Variants in STK32B observed in about 807,000 individuals in gnomAD.
STK32B encodes serine/threonine kinase 32B, also known as serine/threonine-protein kinase 32B.
Under a neutral mutation model 52.6 loss-of-function variants are expected in STK32B, and 43 were observed. The observed-to-expected ratio is 0.82, with a 90% CI of 0.64 to 1.05. The LOEUF is 1.05. Ranked by LOEUF, STK32B falls within the 50% of genes least tolerant of loss-of-function variation. The pLI is 0.00. For synonymous variants in STK32B, 238 were observed against 204.3 expected, an observed-to-expected ratio of 1.17 and a Z score of -1.41; for missense variants, 621 against 534.6, an observed-to-expected ratio of 1.16 and a Z score of -1.59.
chr4:5,100,000 T>TAAA (rs111555214), intron 1 of STK32B, among the ~76,000 whole-genome samples: 2 of 139,684 alleles, frequency 1.4e-5, no homozygotes, highest in African/African-American at 5.3e-5. Context: ...TTCAGTTCTT[T>TAAA]AAAAAAAAAA....
chr4:5,455,792 C>T (rs1301499909), intron 7 of STK32B, among the ~76,000 whole-genome samples: 1 of 152,158 alleles, frequency 6.6e-6, no homozygotes, highest in Non-Finnish European at 1.5e-5. Flanking sequence ...CAAATTCCCC[C>T]TTTGAGCAGC....
chr4:5,098,576 C>T (rs1316658951), intron 1 of STK32B, among the ~76,000 whole-genome samples: 1 of 152,220 alleles, frequency 6.6e-6, no homozygotes, highest in Non-Finnish European at 1.5e-5. Context: ...TAAGGAGGTA[C>T]TGCTAGCTCC....
At chr4:5,035,792 T>A in the STK32B span, among the ~76,000 whole-genome samples, 1 of 152,022 alleles carries the variant, frequency 6.6e-6, no homozygotes, top group Non-Finnish European at 1.5e-5. Context: ...TTTTTTTTTT[T>A]TTTTTTTGAG....
At chr4:5,228,285 T>A (rs1428280459) in intron 3 of STK32B, among the ~76,000 whole-genome samples, 1 of 152,208 alleles carries the variant, frequency 6.6e-6, no homozygotes, top group African/African-American at 2.4e-5. Flanking sequence ...AATGAGCGAT[T>A]GAGTCAGTCT....
chr4:5,483,251 G>A (rs1326073899), intron 11 of STK32B, among the ~76,000 whole-genome samples: 1 of 151,510 alleles, frequency 6.6e-6, no homozygotes, highest in Admixed American at 6.6e-5. Context: ...ATTGATTATT[G>A]CCTCAATTTC....
At chr4:5,318,620 A>T (rs189785420) in intron 3 of STK32B, among the ~76,000 whole-genome samples, 37 of 152,212 alleles carry the variant, frequency 2.4e-4, no homozygotes, top group Admixed American at 1.4e-3. Context: ...TAGACCCAGA[A>T]TCACAGGGTA....
intron 1 of STK32B, among the ~76,000 whole-genome samples, chr4:5,059,932 A>G (rs781099473): frequency 6.6e-6 from 1 of 152,212 alleles, no homozygotes; most frequent in Non-Finnish European, 1.5e-5. Flanking sequence ...ATTAGGAAGT[A>G]TACCAAACTT....
At chr4:5,461,721 A>C (rs566840786) in intron 9 of STK32B, among the ~76,000 whole-genome samples, 34 of 152,278 alleles carry the variant, frequency 2.2e-4, no homozygotes, top group African/African-American at 7.7e-4. Context: ...AGGGCTCCAG[A>C]CAGGCTATGG....
At chr4:5,204,959 G>C (rs1722453707) in intron 3 of STK32B, among the ~76,000 whole-genome samples, 1 of 152,170 alleles carries the variant, frequency 6.6e-6, no homozygotes, top group Non-Finnish European at 1.5e-5. Flanking sequence ...CTGTGAGGGT[G>C]TTTCCAAAGC....
intron 4 of STK32B, among the ~76,000 whole-genome samples, chr4:5,385,271 G>C (rs949161467): frequency 6.6e-6 from 1 of 152,036 alleles, no homozygotes; most frequent in Non-Finnish European, 1.5e-5. Context: ...GAATTCCGAG[G>C]GGACAGAAGA....
chr4:5,316,138 T>TCTATATAAATAA (rs1560309884), intron 3 of STK32B, among the ~76,000 whole-genome samples: 33 of 93,722 alleles, frequency 3.5e-4, no homozygotes, highest in African/African-American at 1.9e-3. Context: ...TCAAGTTATA[T>TCTATATAAATAA]ATATATATAA....
At chr4:5,023,230 C>T in the STK32B span, among the ~76,000 whole-genome samples, 1 of 152,096 alleles carries the variant, frequency 6.6e-6, no homozygotes, top group Non-Finnish European at 1.5e-5. Context: ...ATCATAAATT[C>T]GTGATGCTTG....
chr4:5,166,352 G>C (rs1353406988), intron 2 of STK32B, among the ~76,000 whole-genome samples: 1 of 151,656 alleles, frequency 6.6e-6, no homozygotes, highest in Non-Finnish European at 1.5e-5. Flanking sequence ...AGCGGGGATA[G>C]TAATAGTCAT....
chr4:5,415,170 G>A (rs1315244231), intron 5 of STK32B, among the ~76,000 whole-genome samples: 1 of 152,172 alleles, frequency 6.6e-6, no homozygotes, highest in African/African-American at 2.4e-5. Context: ...TCCTCGGCAG[G>A]ATAATAATGC....
intron 4 of STK32B, among the ~76,000 whole-genome samples, chr4:5,383,184 G>T (rs1409801010): frequency 2.6e-5 from 4 of 152,150 alleles, no homozygotes; most frequent in African/African-American, 7.2e-5. Flanking sequence ...GGCCTGGAGG[G>T]TGCGTATTTT....
At chr4:5,140,549 A>G (rs1716361939) in intron 2 of STK32B, among the ~76,000 whole-genome samples, 1 of 152,144 alleles carries the variant, frequency 6.6e-6, no homozygotes. Context: ...GGAAAAGCTT[A>G]GATGTGAAAC....
intron 3 of STK32B, among the ~76,000 whole-genome samples, chr4:5,299,922 C>A (rs1399365755): frequency 6.6e-6 from 1 of 152,118 alleles, no homozygotes; most frequent in African/African-American, 2.4e-5. Flanking sequence ...GGATGGATTC[C>A]TGACCAACTC....
At chr4:5,489,676 T>A (rs559720018) in intron 11 of STK32B, among the ~76,000 whole-genome samples, 1 of 152,042 alleles carries the variant, frequency 6.6e-6, no homozygotes, top group Admixed American at 6.6e-5. Flanking sequence ...GCTGGAGTGC[T>A]GCAGCACAAT....
At chr4:5,194,236 C>T (rs534181372) in intron 3 of STK32B, among the ~76,000 whole-genome samples, 7 of 152,274 alleles carry the variant, frequency 4.6e-5, no homozygotes, top group African/African-American at 1.7e-4. Flanking sequence ...GTATATTGTT[C>T]TCTGCTGTGT....
Sources: gnomAD v4.1 joint callset for allele counts (sites outside exome capture counted in the v4.1 genomes callset) on GRCh38, gnomAD v4.1.1 for gene constraint, MANE v1.5 for transcripts, NCBI Gene and HGNC (gene_info 2026-07-23, HGNC 2026-07-21) for gene names.